CDH3: variants seen among roughly 807,000 people sequenced by gnomAD.
CDH3 encodes cadherin-3.
Under a neutral mutation model 82.0 loss-of-function variants are expected in CDH3, and 54 were observed. That is an observed-to-expected ratio of 0.66 (90% CI 0.53 to 0.83). The LOEUF (loss-of-function observed/expected upper bound fraction) is 0.83. CDH3 is among the 40% of genes least tolerant of loss of function. The probability of loss-of-function intolerance (pLI) is 0.00; values close to 1 mark genes in which losing one functional copy is unlikely to be tolerated. For missense variants in CDH3, 1,054 were observed against 1,084.6 expected, an observed-to-expected ratio of 0.97 and a Z score of 0.40; for synonymous variants, 446 against 437.9, an observed-to-expected ratio of 1.02 and a Z score of -0.23.
At chr16:68,721,927 T>G (rs1267555824) in intron 1 of CDH3, among the ~76,000 whole-genome samples, 1 of 151,996 alleles carries the variant, frequency 6.6e-6, no homozygotes, top group Admixed American at 6.6e-5. Context: ...CTATCTCTAC[T>G]AAAAATACAA....
chr16:68,674,360 G>A (rs1006899454), intron 2 of CDH3, among the ~76,000 whole-genome samples: 1 of 152,080 alleles, frequency 6.6e-6, no homozygotes, highest in African/African-American at 2.4e-5. Flanking sequence ...CAAGTCCTTT[G>A]CCTGTTTTTT....
chr16:68,668,073 A>G (rs551291123), intron 2 of CDH3, among the ~76,000 whole-genome samples: 2 of 152,320 alleles, frequency 1.3e-5, no homozygotes, highest in East Asian at 1.9e-4. Context: ...GCACCTCTTC[A>G]TCAGGTTCAT....
chr16:68,659,347 T>C (rs1567439532), intron 2 of CDH3, among the ~76,000 whole-genome samples: 1 of 151,984 alleles, frequency 6.6e-6, no homozygotes, highest in Non-Finnish European at 1.5e-5. Flanking sequence ...GGTGGGAGGA[T>C]TGCTTGAACC....
At chr16:68,728,058 A>G (rs1057317437), downstream of CDH3, among the ~76,000 whole-genome samples, 1 of 152,256 alleles carries the variant, frequency 6.6e-6, no homozygotes, top group Non-Finnish European at 1.5e-5. Flanking sequence ...TAATGCAATT[A>G]TTGGCATCCA....
chr16:68,662,083 C>G (rs995428871), intron 2 of CDH3, among the ~76,000 whole-genome samples: 2 of 152,154 alleles, frequency 1.3e-5, no homozygotes, highest in South Asian at 2.1e-4. Flanking sequence ...GGAATCTGAT[C>G]TAGTTTGGGA....
At chr16:68,658,998 GAC>G (rs1960485392) in intron 2 of CDH3, among the ~76,000 whole-genome samples, 1 of 152,126 alleles carries the variant, frequency 6.6e-6, no homozygotes, top group African/African-American at 2.4e-5. Context: ...TCACTGTAAA[GAC>G]ACACTTTTTT....
intron 2 of CDH3, among the ~76,000 whole-genome samples, chr16:68,662,544 C>CTTTTT (rs34173111): frequency 1.1e-5 from 1 of 94,028 alleles, no homozygotes; most frequent in Non-Finnish European, 2.1e-5. Context: ...TGAAGCCAGC[C>CTTTTT]TTTTTTTTTT....
At chr16:68,731,047 A>ATACATATAT (rs1262844091), downstream of CDH3, among the ~76,000 whole-genome samples, 5 of 26,352 alleles carry the variant, frequency 1.9e-4, no homozygotes, top group African/African-American at 7.1e-4. Context: ...AAAAAAAAAA[A>ATACATATAT]ATATATATAT....
intron 2 of CDH3, among the ~76,000 whole-genome samples, chr16:68,654,579 T>A (rs955827881): frequency 6.4e-5 from 9 of 141,446 alleles, no homozygotes; most frequent in African/African-American, 2.1e-4. Context: ...GGCAGGTGCC[T>A]GTAATCCCAG....
chr16:68,688,240 C>G (rs967618286), intron 12 of CDH3, among the ~76,000 whole-genome samples: 1 of 151,754 alleles, frequency 6.6e-6, no homozygotes. Context: ...TAGAGGAGAC[C>G]GTTGCCCCCG....
chr16:68,729,016 A>G (rs140244381), downstream of CDH3, among the ~76,000 whole-genome samples: 1 of 152,278 alleles, frequency 6.6e-6, no homozygotes, highest in African/African-American at 2.4e-5. Context: ...CCAAAAACAA[A>G]ATGCAGGGCT....
chr16:68,680,116 G>A (rs1961174758), intron 7 of CDH3, 142 bp downstream of exon 7: 5 of 789,824 alleles, frequency 6.3e-6, no homozygotes, highest in South Asian at 4.3e-5. Context: ...GGCCACTGCT[G>A]GGTTCACATG....
At chr16:68,701,934 G>A (rs1190209938), downstream of CDH3, among the ~76,000 whole-genome samples, 4 of 151,946 alleles carry the variant, frequency 2.6e-5, no homozygotes, top group Admixed American at 2.6e-4. Flanking sequence ...TGAGGCAGGA[G>A]AGTCACTTGA....
At chr16:68,677,635 G>A (rs2152099575) in intron 3 of CDH3, among the ~76,000 whole-genome samples, 1 of 152,334 alleles carries the variant, frequency 6.6e-6, no homozygotes, top group Non-Finnish European at 1.5e-5. Flanking sequence ...CTACTCAGGA[G>A]GCTGAGGCAG....
At chr16:68,672,155 T>G (rs897893367) in intron 2 of CDH3, among the ~76,000 whole-genome samples, 5 of 147,306 alleles carry the variant, frequency 3.4e-5, no homozygotes, top group Admixed American at 6.9e-5. Context: ...ATTGCGCCAC[T>G]GCACTCCAGC....
chr16:68,657,896 G>A (rs1960447829), intron 2 of CDH3, among the ~76,000 whole-genome samples: 1 of 152,074 alleles, frequency 6.6e-6, no homozygotes, highest in African/African-American at 2.4e-5. Context: ...GGAGTAGAAG[G>A]TATTTTTGCT....
At chr16:68,723,435 G>A (rs562761872) in intron 2 of CDH3, among the ~76,000 whole-genome samples, 1 of 152,228 alleles carries the variant, frequency 6.6e-6, no homozygotes, top group South Asian at 2.1e-4. Flanking sequence ...GAAAAAATGG[G>A]ATCCTGTGCA....
chr16:68,731,499 TATAC>T (rs1220404290), downstream of CDH3, among the ~76,000 whole-genome samples: 3 of 30,098 alleles, frequency 1.0e-4, no homozygotes, highest in Non-Finnish European at 1.7e-4. Context: ...CACATATATA[TATAC>T]ACACACACAT....
Position 68,682,424 on chromosome 16 carries a change from C to T in CDH3, c.1119C>T (p.Asp373=), listed in dbSNP as rs995548981. The T allele has an allele frequency of 5.0e-6, 8 of 1,613,968 alleles. No individual in the cohort carries two copies. Among genetic ancestry groups the T allele is most frequent in the African/African-American group, 4.0e-5 (3 of 74,912 alleles). Residue 373 remains aspartate (D), a synonymous_variant, in exon 9 of 16, where the codon GAC becomes GAT. Transcript: ENST00000264012. ...CCTACCTTATCATGGGCGGTGACGA[C>T]GGGGACCATTTTACCATCACCACCC... The part of the protein sequence containing the change: ...RATYLIMGGD[D]GDHFTITTHP...
Sources: gnomAD v4.1 joint callset for allele counts (sites outside exome capture counted in the v4.1 genomes callset) on GRCh38, gnomAD v4.1.1 for gene constraint, MANE v1.5 for transcripts, NCBI Gene and HGNC (gene_info 2026-07-23, HGNC 2026-07-21) for gene names.